The following SENP6 variants were observed in gnomAD, a reference collection of about 807,000 sequenced individuals.
SENP6 encodes the protein sentrin-specific protease 6.
SENP6 carries 41 observed loss-of-function variants against 134.5 expected under a neutral mutation model. The ratio of observed to expected loss-of-function variants is 0.30; its 90% CI spans 0.24 to 0.40. The LOEUF (loss-of-function observed/expected upper bound fraction) is 0.40. Among genes scored for constraint, SENP6 ranks in the 10% least tolerant of loss-of-function variants. SENP6 has a pLI of 1.00. For missense variants in SENP6, 1,248 were observed against 1,312.5 expected (o/e 0.95, Z 0.76); for synonymous variants, 395 against 429.8 (o/e 0.92, Z 1.00).
At chr6:75,711,525 G>A in intron 21 of SENP6, 109 bp downstream of exon 21, 3 of 621,938 alleles carry the variant, frequency 4.8e-6, no homozygotes, top group Admixed American at 3.3e-5. Context: ...ACTCATAAAT[G>A]CTGTCAGAGT....
At position 75,677,282 on chromosome 6, in the gene SENP6, T is replaced by C. The variant is rs552046148; in HGVS notation, c.1848+26T>C. 5.4e-4 allele frequency: 765 copies of C among 1,425,192 alleles called. 17 individuals are homozygous for C. The South Asian group carries it at 9.2e-3, about 17-fold the overall frequency. 88.3% of individuals were successfully genotyped at this position (1,425,192 alleles called of 1,614,324 possible). A position where few individuals can be genotyped will look rare whatever the true frequency, so the allele number is the denominator to read the frequency against. ...GTAATTATGTTTTTTAATTTAAAAA[T>C]ATTCTTAAATTGTGGGTAGTTTTAA... On this transcript the variant is annotated intron_variant, in intron 14 of 23. Transcript: ENST00000447266.
chr6:75,639,830 A>T (rs1335152413), intron 5 of SENP6, among the ~76,000 whole-genome samples: 4 of 151,990 alleles, frequency 2.6e-5, no homozygotes, highest in African/African-American at 7.2e-5. Flanking sequence ...GCCTTAAAAA[A>T]TTTTTTTTCT....
chr6:75,625,885 C>CA (rs1007190602), intron 3 of SENP6, among the ~76,000 whole-genome samples: 1 of 151,892 alleles, frequency 6.6e-6, no homozygotes, highest in African/African-American at 2.4e-5. Flanking sequence ...AAAAACAAAA[C>CA]AAAAAAACCC....
chr6:75,674,239 C>G (rs1244783478), intron 11 of SENP6, among the ~76,000 whole-genome samples: 1 of 149,664 alleles, frequency 6.7e-6, no homozygotes, highest in Non-Finnish European at 1.5e-5. Flanking sequence ...TAACTGTAAC[C>G]TTGAACTCCT....
At chr6:75,678,300 A>G (rs1289468690) in intron 14 of SENP6, 2 of 244,878 alleles carry the variant, frequency 8.2e-6, no homozygotes, top group Admixed American at 1.2e-4. Flanking sequence ...GAATTTTACC[A>G]GCATTATTTA....
rs933195360 is a variant in SENP6 at position 75,653,661 on chromosome 6, T to G, written c.551-5601T>G. ...TTTCTCATGTTTTTGGAATGTTGTG[T>G]TTTTTTTTTTTAACTAGTTTATTTT... On this transcript the variant is annotated intron_variant, in intron 7 of 23. Coordinates refer to ENST00000447266, the MANE Select transcript of SENP6 (RefSeq NM_015571.4). Among the ~76,000 whole-genome samples, 15 of 33,904 alleles carry G rather than the reference T, an allele frequency of 4.4e-4. 1 individual carries two copies. The highest frequency in any genetic ancestry group is 1.3e-3 in the African/African-American group (15 of 11,748). 22.2% of individuals were successfully genotyped at this position (33,904 alleles called of 152,430 possible). A position where few individuals can be genotyped will look rare whatever the true frequency, so the allele number is the denominator to read the frequency against.
intron 16 of SENP6, 32 bp from the exon 17 acceptor site, chr6:75,695,772 T>G: frequency 6.7e-7 from 1 of 1,498,796 alleles, no homozygotes; most frequent in Non-Finnish European, 9.1e-7. Flanking sequence ...ACTGTTACAT[T>G]AATTATATTT....
chr6:75,660,067 T>A (rs1353512662), intron 8 of SENP6, among the ~76,000 whole-genome samples: 1 of 152,206 alleles, frequency 6.6e-6, no homozygotes, highest in African/African-American at 2.4e-5. Context: ...GAATCTTTAG[T>A]CTCTTTCAAT....
intron 7 of SENP6, among the ~76,000 whole-genome samples, chr6:75,657,581 T>C (rs1473511920): frequency 6.6e-6 from 1 of 152,252 alleles, no homozygotes; most frequent in African/African-American, 2.4e-5. Flanking sequence ...ATGTGTCATA[T>C]AGTTTTATGT....
Position 75,639,409 on chromosome 6 carries a change from G to A in SENP6, c.459-1275G>A, listed in dbSNP as rs567394548. On this transcript the variant is annotated intron_variant, in intron 5 of 23. Coordinates refer to ENST00000447266, the MANE Select transcript of SENP6 (RefSeq NM_015571.4). ...TTTTTTAAATTTGTATATTTTTAAT[G>A]TGTTCATGTAAAAACAAGTTACTAT... Among the ~76,000 whole-genome samples, 139 of 151,618 alleles carry A rather than the reference G, an allele frequency of 9.2e-4. 1 individual carries two copies. The highest frequency in any genetic ancestry group is 3.3e-3 in the African/African-American group (136 of 41,318).
chr6:75,646,175 A>T (rs1477634044), intron 6 of SENP6, among the ~76,000 whole-genome samples: 1 of 152,240 alleles, frequency 6.6e-6, no homozygotes, highest in East Asian at 1.9e-4. Flanking sequence ...TATGCATTTT[A>T]TTTTAATCCC....
At chr6:75,714,353 T>A (rs1775918689) in intron 23 of SENP6, among the ~76,000 whole-genome samples, 1 of 152,198 alleles carries the variant, frequency 6.6e-6, no homozygotes, top group African/African-American at 2.4e-5. Context: ...TCTTGGATAT[T>A]CTTTACTCTG....
intron 5 of SENP6, among the ~76,000 whole-genome samples, chr6:75,638,608 ATATATATATATATATTTTTTTTTT>A (rs1769748546): frequency 1.8e-4 from 8 of 43,584 alleles, no homozygotes; most frequent in African/African-American, 5.5e-4. Context: ...ATATATATAT[ATATATATATATATATTTTTTTTTT>A]TTTTTTTTTT....
intron 7 of SENP6, among the ~76,000 whole-genome samples, chr6:75,655,643 T>C (rs1364215038): frequency 3.3e-5 from 5 of 152,232 alleles, no homozygotes; most frequent in Admixed American, 3.3e-4. Context: ...AGTTTGTTTC[T>C]TTTTAACATT....
At chr6:75,606,143 T>A (rs1043743765) in intron 1 of SENP6, among the ~76,000 whole-genome samples, 1 of 152,252 alleles carries the variant, frequency 6.6e-6, no homozygotes, top group African/African-American at 2.4e-5. Context: ...GATGCCTGTT[T>A]GACATTTTTG....
In SENP6 at chr6:75,666,372, A is replaced by G. The variant is rs552958056; in HGVS notation, c.995-340A>G. ...ATGCAAATTATTTTTTACACCTTAA[A>G]TTTTTTGGGACTCTGAAATAGACCT... On this transcript the variant is annotated intron_variant, in intron 9 of 23. Transcript: ENST00000447266. Among the ~76,000 whole-genome samples, 11 of 150,018 alleles carry G rather than the reference A, an allele frequency of 7.3e-5. No homozygotes were observed. In the South Asian group the frequency reaches 2.1e-3, roughly 28 times the overall value.
At chr6:75,666,158 TGATATATATATAAAACGTATATATG>T in intron 9 of SENP6, among the ~76,000 whole-genome samples, 1 of 133,932 alleles carries the variant, frequency 7.5e-6, no homozygotes. Flanking sequence ...AAAACATATA[TGATATATATATAAAACGTATATATG>T]ATATATATAA....
chr6:75,651,527 T>G (rs1770864123), intron 7 of SENP6, among the ~76,000 whole-genome samples: 1 of 152,112 alleles, frequency 6.6e-6, no homozygotes, highest in Non-Finnish European at 1.5e-5. Context: ...ATTTTTTGTA[T>G]TTTTTATAGA....
chr6:75,660,629 G>C (rs986083430), intron 8 of SENP6, among the ~76,000 whole-genome samples: 3 of 151,276 alleles, frequency 2.0e-5, no homozygotes, highest in Admixed American at 1.3e-4. Flanking sequence ...AACTTATCTT[G>C]TATTTCTTTT....
Sources: allele counts gnomAD v4.1 joint callset (sites outside exome capture counted in the v4.1 genomes callset), GRCh38; gene constraint gnomAD v4.1.1; transcripts MANE v1.5; gene names NCBI Gene and HGNC (gene_info 2026-07-23, HGNC 2026-07-21).